The following STMN2 variants were observed in gnomAD, a reference collection of about 807,000 sequenced individuals.
STMN2 encodes stathmin 2.
Under a neutral mutation model 24.1 loss-of-function variants are expected in STMN2, and 2 were observed. That is an observed-to-expected ratio of 0.08 (90% CI 0.03 to 0.26). The LOEUF (loss-of-function observed/expected upper bound fraction) is 0.26. Among genes scored for constraint, STMN2 ranks in the 10% least tolerant of loss-of-function variants. The probability of loss-of-function intolerance (pLI) is 1.00; values close to 1 mark genes in which losing one functional copy is unlikely to be tolerated. For missense variants in STMN2, 114 were observed against 213.6 expected, an observed-to-expected ratio of 0.53 and a Z score of 2.91; for synonymous variants, 83 against 77.5, an observed-to-expected ratio of 1.07 and a Z score of -0.37.
At position 79,611,122 on chromosome 8, in the gene STMN2, T is replaced by A. The variant is rs1809207305; in HGVS notation, c.-74T>A. 6.2e-7 allele frequency: 1 copy of A among 1,602,666 alleles called. No individual in the cohort carries two copies. Among genetic ancestry groups the A allele is most frequent in the South Asian group, 1.1e-5 (1 of 90,224 alleles). On this transcript the variant is annotated 5_prime_UTR_variant, in exon 1 of 5. Coordinates refer to ENST00000220876, the MANE Select transcript of STMN2 (RefSeq NM_007029.4). ...GCAGACTCAGTGCCTTATTCAGTCTTCTCTCTCGCTCTCTCCGCTGCTGTA... is the reference window on the plus strand; with the variant it reads ...GCAGACTCAGTGCCTTATTCAGTCTACTCTCTCGCTCTCTCCGCTGCTGTA...
chr8:79,624,408 T>C (rs893939641), intron 1 of STMN2, among the ~76,000 whole-genome samples: 14 of 139,410 alleles, frequency 1.0e-4, no homozygotes, highest in Non-Finnish European at 1.8e-4. Flanking sequence ...GAGCCGAGAT[T>C]GTACCACTGC....
chr8:79,641,656 AC>A, intron 3 of STMN2, 106 bp downstream of exon 3: 1 of 816,142 alleles, frequency 1.2e-6, no homozygotes, highest in Admixed American at 2.7e-5. Context: ...ACACACACAC[AC>A]ACACACACAC....
intron 1 of STMN2, chr8:79,611,682 G>A: frequency 1.3e-6 from 1 of 750,206 alleles, no homozygotes; most frequent in Non-Finnish European, 1.6e-6. Flanking sequence ...GTCCCATCCC[G>A]CTGTTTGAAA....
chr8:79,636,657 CTTTA>C, intron 1 of STMN2, 141 bp from the exon 2 acceptor site: 1 of 719,414 alleles, frequency 1.4e-6, no homozygotes, highest in Non-Finnish European at 2.3e-6. Context: ...TCTTGCATTC[CTTTA>C]TATTTAGTGA....
At chr8:79,655,102 A>G (rs374401588) in intron 4 of STMN2, 40 bp downstream of exon 4, 31 of 1,599,274 alleles carry the variant, frequency 1.9e-5, no homozygotes, top group Non-Finnish European at 2.6e-5. Flanking sequence ...ATATATTCAT[A>G]TGCAGCACAG....
chr8:79,638,882 GC>G (rs1810029707), intron 2 of STMN2, among the ~76,000 whole-genome samples: 1 of 151,838 alleles, frequency 6.6e-6, no homozygotes, highest in Admixed American at 6.6e-5. Context: ...GTTTTTATTT[GC>G]CCGTGTTCTC....
chr8:79,645,731 T>C (rs535693158), intron 3 of STMN2, among the ~76,000 whole-genome samples: 4 of 145,418 alleles, frequency 2.8e-5, no homozygotes, highest in Non-Finnish European at 6.3e-5. Flanking sequence ...CTTCTTCAGC[T>C]ACCTACTCTG....
At chr8:79,636,499 T>C (rs1809960266) in intron 1 of STMN2, among the ~76,000 whole-genome samples, 1 of 152,156 alleles carries the variant, frequency 6.6e-6, no homozygotes, top group Non-Finnish European at 1.5e-5. Flanking sequence ...CTGTTTCCTC[T>C]CTCTCCCTCC....
At chr8:79,639,848 T>C (rs1194187431) in intron 2 of STMN2, among the ~76,000 whole-genome samples, 2 of 152,212 alleles carry the variant, frequency 1.3e-5, no homozygotes, top group Non-Finnish European at 2.9e-5. Flanking sequence ...AAATCTACTC[T>C]TTCAGTGATT....
At position 79,664,835 on chromosome 8, in the gene STMN2, G is replaced by A. The variant is rs1335756848; in HGVS notation, c.501G>A (p.Val167=). ...LQEKERHAAE[V]RRNKELQVEL... ...TTTAGGAGAGGCATGCTGCGGAGGT[G>A]CGCAGGAACAAGGAACTCCAGGTTG... is the stretch of plus-strand genomic sequence containing the variant. The change falls in exon 5 of 5, where the codon GTG becomes GTA. Residue 167 remains valine, a synonymous_variant. Coordinates refer to ENST00000220876, the MANE Select transcript of STMN2 (RefSeq NM_007029.4). 33 of 1,613,106 alleles carry A rather than the reference G, an allele frequency of 2.0e-5. No individual in the cohort carries two copies. The highest frequency in any genetic ancestry group is 2.7e-5 in the Non-Finnish European group (32 of 1,179,552).
chr8:79,644,779 C>T (rs1810182595), intron 3 of STMN2, among the ~76,000 whole-genome samples: 1 of 152,150 alleles, frequency 6.6e-6, no homozygotes. Flanking sequence ...CCTTCTGTTG[C>T]CCTGTTGCCG....
chr8:79,628,551 T>C (rs1809718494), intron 1 of STMN2, among the ~76,000 whole-genome samples: 1 of 152,208 alleles, frequency 6.6e-6, no homozygotes, highest in South Asian at 2.1e-4. Context: ...ATTGCTTTTC[T>C]CCACATTCTG....
At chr8:79,646,389 G>C (rs949307839) in intron 3 of STMN2, among the ~76,000 whole-genome samples, 5 of 151,574 alleles carry the variant, frequency 3.3e-5, no homozygotes, top group African/African-American at 1.2e-4. Context: ...TGGGGGTGTG[G>C]GGGTGAAAGA....
chr8:79,659,761 G>A (rs924918489), intron 4 of STMN2, among the ~76,000 whole-genome samples: 2 of 152,058 alleles, frequency 1.3e-5, no homozygotes, highest in African/African-American at 4.8e-5. Context: ...GTTAATGGGG[G>A]TTCTATGGGG....
chr8:79,612,646 C>T (rs1809268287), intron 1 of STMN2, among the ~76,000 whole-genome samples: 1 of 152,112 alleles, frequency 6.6e-6, no homozygotes, highest in African/African-American at 2.4e-5. Flanking sequence ...GCTCAGTGGC[C>T]CCGGGGTGAA....
At chr8:79,620,686 G>C (rs918226899) in intron 1 of STMN2, among the ~76,000 whole-genome samples, 1 of 151,946 alleles carries the variant, frequency 6.6e-6, no homozygotes, top group African/African-American at 2.4e-5. Flanking sequence ...TGATACACTA[G>C]TAACATCAAC....
At chr8:79,629,907 T>C (rs952710002) in intron 1 of STMN2, among the ~76,000 whole-genome samples, 1 of 152,168 alleles carries the variant, frequency 6.6e-6, no homozygotes. Context: ...AAAACAGCAA[T>C]ATGGAGCTCT....
rs2130371862 is a variant in STMN2 at position 79,647,592 on chromosome 8, G to C, written c.288+6042G>C. On this transcript the variant is annotated intron_variant, in intron 3 of 4. Coordinates refer to ENST00000220876, the MANE Select transcript of STMN2 (RefSeq NM_007029.4). Reference sequence around the variant, plus strand: ...TCCCCACCTCCCCATTCCATCTGTTGACACTATTGCAGCACTGACCATCTG... The same window carrying C: ...TCCCCACCTCCCCATTCCATCTGTTCACACTATTGCAGCACTGACCATCTG... 1.3e-5 allele frequency among the ~76,000 whole-genome samples: 2 copies of C among 152,316 alleles called. 1 individual carries two copies.
chr8:79,618,017 C>G (rs1263352245), intron 1 of STMN2, among the ~76,000 whole-genome samples: 9 of 152,228 alleles, frequency 5.9e-5, no homozygotes, highest in Non-Finnish European at 1.2e-4. Flanking sequence ...AATTTGGGCC[C>G]AGGCCATCTG....
Sources: gnomAD v4.1 joint callset for allele counts (sites outside exome capture counted in the v4.1 genomes callset) on GRCh38, gnomAD v4.1.1 for gene constraint, MANE v1.5 for transcripts, NCBI Gene and HGNC (gene_info 2026-07-23, HGNC 2026-07-21) for gene names.